The following PLEKHA6 variants were observed in gnomAD, a reference collection of about 807,000 sequenced individuals.
PLEKHA6 encodes pleckstrin homology domain containing A6.
PLEKHA6 carries 60 observed loss-of-function variants against 116.7 expected under a neutral mutation model. The ratio of observed to expected loss-of-function variants is 0.51; its 90% CI spans 0.42 to 0.64. The LOEUF is 0.64. Among genes scored for constraint, PLEKHA6 ranks in the 30% least tolerant of loss-of-function variants. The pLI is 0.00. For missense variants in PLEKHA6, 1,338 were observed against 1,422.7 expected, an observed-to-expected ratio of 0.94 and a Z score of 0.96; for synonymous variants, 489 against 556.1, an observed-to-expected ratio of 0.88 and a Z score of 1.70.
At chr1:204,358,722 AC>A (rs1458640343) in intron 1 of PLEKHA6, among the ~76,000 whole-genome samples, 1 of 150,806 alleles carries the variant, frequency 6.6e-6, no homozygotes, top group Non-Finnish European at 1.5e-5. Flanking sequence ...CCTCCCCACC[AC>A]CTTCCACCCT....
Position 204,261,282 on chromosome 1 carries a change from C to G in PLEKHA6, c.524+24G>C, listed in dbSNP as rs1187468599. 1.9e-6 allele frequency: 3 copies of G among 1,613,986 alleles called. No homozygotes were observed. The highest frequency in any genetic ancestry group is 3.3e-5 in the Admixed American group (2 of 60,028). On this transcript the variant is annotated intron_variant, in intron 7 of 22. Coordinates refer to ENST00000272203, the MANE Select transcript of PLEKHA6 (RefSeq NM_014935.5). The surrounding 1 kb of genome is among the most constrained non-coding windows in gnomAD (Gnocchi z 4.0). ...CCCCTCTTTATTCTTCCTGCACCCC[C>G]ACACTCAATTCCCTGGCACTCACCT... is the stretch of plus-strand genomic sequence containing the variant.
chr1:204,331,818 G>C (rs1404575486), intron 1 of PLEKHA6, among the ~76,000 whole-genome samples: 1 of 151,996 alleles, frequency 6.6e-6, no homozygotes, highest in Non-Finnish European at 1.5e-5. Flanking sequence ...TCAGCCGGCT[G>C]TCCCCCCCGG....
At chr1:204,310,018 A>G (rs1453549361) in intron 1 of PLEKHA6, among the ~76,000 whole-genome samples, 1 of 151,928 alleles carries the variant, frequency 6.6e-6, no homozygotes, top group African/African-American at 2.4e-5. Flanking sequence ...ACAAAACATC[A>G]TTCTCCTTTT....
chr1:204,328,719 T>C (rs1300586360), intron 1 of PLEKHA6, among the ~76,000 whole-genome samples: 3 of 152,256 alleles, frequency 2.0e-5, no homozygotes, highest in Non-Finnish European at 4.4e-5. Flanking sequence ...GCTGCTACTC[T>C]GTCCCTGTGC....
At chr1:204,373,522 TGACTTTC>T (rs1368550826) in intron 1 of PLEKHA6, among the ~76,000 whole-genome samples, 1 of 152,222 alleles carries the variant, frequency 6.6e-6, no homozygotes, top group African/African-American at 2.4e-5. Context: ...CCCAGCTGTC[TGACTTTC>T]GTGCTTTTTT....
rs1444808720 is a variant in PLEKHA6 at position 204,221,358 on chromosome 1, G to A, written c.*1430C>T. 7 of 152,676 alleles carry A rather than the reference G, an allele frequency of 4.6e-5. No individual in the cohort carries two copies. Among genetic ancestry groups the A allele is most frequent in the African/African-American group, 1.7e-4 (7 of 41,458 alleles). The allele number at this position is 152,676 out of a possible 1,614,324, so 9.5% of individuals were successfully genotyped here. A position where few individuals can be genotyped will look rare whatever the true frequency, so the allele number is the denominator to read the frequency against. On this transcript the variant is annotated 3_prime_UTR_variant, in exon 23 of 23. Transcript: ENST00000272203. ...CTCTGAGCGGCAACTCTAGCAGAGA[G>A]AAGGCCGAGGGGCCACGGTGTCTTC...
intron 8 of PLEKHA6, among the ~76,000 whole-genome samples, chr1:204,258,682 G>A (rs1465431696): frequency 6.6e-6 from 1 of 152,182 alleles, no homozygotes; most frequent in African/African-American, 2.4e-5. Context: ...GACACCATTG[G>A]GCCCAATAAA....
At chr1:204,233,304 GAGGCT>G (rs1293095241) in intron 17 of PLEKHA6, among the ~76,000 whole-genome samples, 1 of 151,010 alleles carries the variant, frequency 6.6e-6, no homozygotes, top group African/African-American at 2.4e-5. Flanking sequence ...CCTCCTGGAG[GAGGCT>G]AGGATATAGG....
chr1:204,297,613 CA>C (rs1008169445), intron 1 of PLEKHA6, among the ~76,000 whole-genome samples: 190 of 121,712 alleles, frequency 1.6e-3, no homozygotes, highest in African/African-American at 4.7e-3. Context: ...TCATCGGCAA[CA>C]GGGGGGGTGG....
chr1:204,374,120 C>T (rs1158527478), intron 1 of PLEKHA6, among the ~76,000 whole-genome samples: 1 of 152,170 alleles, frequency 6.6e-6, no homozygotes, highest in Non-Finnish European at 1.5e-5. Flanking sequence ...CACCACAGCC[C>T]TCAACTTCCT....
In PLEKHA6 at chr1:204,259,656, T is replaced by C. The variant is rs144526287; in HGVS notation, c.609A>G (p.Pro203=). ...CACCCTCCCCTCGAGTCTTGGCCTC[T>C]GGCTCAGGCTTAGGGAGGCTGTTGT... ...PPHNSLPKPE[P]EAKTRGEGDG... The change falls in exon 8 of 23, where the codon CCA becomes CCG. Residue 203 remains proline (P), a synonymous_variant. Transcript: ENST00000272203. The surrounding 1 kb of genome is among the most constrained non-coding windows in gnomAD (Gnocchi z 4.6). 6.2e-7 allele frequency: 1 copy of C among 1,614,228 alleles called. No homozygotes were observed. The highest frequency in any genetic ancestry group is 1.3e-5 in the African/African-American group (1 of 75,074).
At chr1:204,356,061 T>G (rs79945947) in intron 1 of PLEKHA6, among the ~76,000 whole-genome samples, 2,934 of 152,108 alleles carry the variant, frequency 0.019, 115 homozygotes, top group African/African-American at 0.067. Flanking sequence ...TTGAACGAGG[T>G]ATTTGGCAAA....
At position 204,250,582 on chromosome 1, in the gene PLEKHA6, G is replaced by C. The variant is rs373267338; in HGVS notation, c.1557C>G (p.Ser519Arg). 4 of 1,613,014 alleles carry C rather than the reference G, an allele frequency of 2.5e-6. No homozygotes were observed. Among genetic ancestry groups the C allele is most frequent in the South Asian group, 1.1e-5 (1 of 90,730 alleles). Residue 519 changes from serine to arginine, a missense_variant, in exon 10 of 23, where the codon AGC becomes AGG. Ser to Arg is a moderately radical substitution (Grantham distance 110, BLOSUM62 -1). Coordinates refer to ENST00000272203, the MANE Select transcript of PLEKHA6 (RefSeq NM_014935.5). ...VPPYPEVFRDSLHTYKLNEQD... is the reference protein window; with the variant it reads ...VPPYPEVFRDRLHTYKLNEQD... ...GCTCGTTTAACTTGTAGGTGTGGAG[G>C]CTGTCCCGGAACACTTCTGGGTATG...
chr1:204,321,551 G>T (rs1327715575), intron 1 of PLEKHA6, among the ~76,000 whole-genome samples: 1 of 150,970 alleles, frequency 6.6e-6, no homozygotes, highest in Non-Finnish European at 1.5e-5. Context: ...TCTTCTGCTG[G>T]AACCTCAACC....
At chr1:204,349,160 C>T (rs1168867337) in intron 1 of PLEKHA6, among the ~76,000 whole-genome samples, 1 of 152,196 alleles carries the variant, frequency 6.6e-6, no homozygotes, top group East Asian at 1.9e-4. Flanking sequence ...GGGCCTGGCT[C>T]CAGGCCCTCA....
rs556027740 is a variant in PLEKHA6 at position 204,221,313 on chromosome 1, G to C, written c.*1475C>G. On this transcript the variant is annotated 3_prime_UTR_variant, in exon 23 of 23. Coordinates refer to ENST00000272203, the MANE Select transcript of PLEKHA6 (RefSeq NM_014935.5). ...GGAATTAGTAGGTGTTCTTGGGACC[G>C]CTGGAAGTCAGGCTGAAGCCTCTGA... 6.5e-6 allele frequency: 1 copy of C among 152,776 alleles called. No homozygotes were observed. The highest frequency in any genetic ancestry group is 1.5e-5 in the Non-Finnish European group (1 of 68,040). 9.5% of individuals were successfully genotyped at this position (152,776 alleles called of 1,614,324 possible).
chr1:204,243,239 G>C (rs1031739064), intron 15 of PLEKHA6: 54 of 399,596 alleles, frequency 1.4e-4, no homozygotes, highest in Non-Finnish European at 4.9e-5. Flanking sequence ...GCTTTGGGGA[G>C]GGGAGGCCGA....
chr1:204,319,932 A>G (rs961863167), intron 1 of PLEKHA6, among the ~76,000 whole-genome samples: 1 of 152,134 alleles, frequency 6.6e-6, no homozygotes, highest in Non-Finnish European at 1.5e-5. Context: ...AACCAGTTCA[A>G]TGGAATCATG....
chr1:204,351,137 G>A (rs1673265976), intron 1 of PLEKHA6, among the ~76,000 whole-genome samples: 1 of 152,210 alleles, frequency 6.6e-6, no homozygotes, highest in Non-Finnish European at 1.5e-5. Flanking sequence ...CAGGGGACCA[G>A]CCGGGCTACC....
Sources: allele counts gnomAD v4.1 joint callset (sites outside exome capture counted in the v4.1 genomes callset), GRCh38; gene constraint gnomAD v4.1.1; non-coding constraint Gnocchi (gnomAD v3.1); transcripts MANE v1.5; gene names NCBI Gene and HGNC (gene_info 2026-07-23, HGNC 2026-07-21).